The following FAM149A variants were observed in gnomAD, a reference collection of about 807,000 sequenced individuals.
The protein encoded by FAM149A is protein FAM149A.
A neutral mutation model predicts 78.2 loss-of-function variants in FAM149A; 71 were observed. The observed-to-expected ratio is 0.91, with a 90% CI of 0.75 to 1.11. FAM149A has a LOEUF of 1.11. Among genes scored for constraint, FAM149A ranks in the 50% least tolerant of loss-of-function variants. The pLI is 0.00. For missense variants in FAM149A, 1,036 were observed against 971.0 expected, an observed-to-expected ratio of 1.07 and a Z score of -0.89; for synonymous variants, 446 against 410.5, an observed-to-expected ratio of 1.09 and a Z score of -1.04.
chr4:186,131,641 A>G (rs576672548), intron 1 of FAM149A, among the ~76,000 whole-genome samples: 2 of 152,350 alleles, frequency 1.3e-5, no homozygotes, highest in South Asian at 4.1e-4. Context: ...ATCCTTACAG[A>G]AGTGGAAGAC....
intron 1 of FAM149A, among the ~76,000 whole-genome samples, chr4:186,122,529 G>T (rs2099316532): frequency 6.6e-6 from 1 of 152,174 alleles, no homozygotes. Context: ...CATGATATTT[G>T]CAACTTCCTT....
chr4:186,170,228 GT>G (rs565413731), intron 13 of FAM149A, among the ~76,000 whole-genome samples: 61 of 152,358 alleles, frequency 4.0e-4, no homozygotes, highest in African/African-American at 1.3e-3. Context: ...CCTGGTGGTC[GT>G]GAGAGACACG....
chr4:186,139,433 C>T (rs940810058), intron 1 of FAM149A, among the ~76,000 whole-genome samples: 1 of 151,766 alleles, frequency 6.6e-6, no homozygotes. Flanking sequence ...TTGCAAAGCC[C>T]TCGTGAGTGG....
intron 13 of FAM149A, among the ~76,000 whole-genome samples, chr4:186,167,887 C>T (rs1735196004): frequency 6.6e-6 from 1 of 152,138 alleles, no homozygotes; most frequent in African/African-American, 2.4e-5. Context: ...GTCCCAACCT[C>T]TCTGGCCCTC....
At chr4:186,152,925 G>C (rs967514053) in intron 4 of FAM149A, among the ~76,000 whole-genome samples, 2 of 152,118 alleles carry the variant, frequency 1.3e-5, no homozygotes, top group Non-Finnish European at 2.9e-5. Context: ...TGTGGATTCT[G>C]TCTGGGGAGA....
chr4:186,124,311 G>A (rs575002945), intron 1 of FAM149A: 20 of 578,710 alleles, frequency 3.5e-5, no homozygotes, highest in Admixed American at 3.2e-4. Flanking sequence ...TGTGTACAAC[G>A]TGCAGCTTTG....
At chr4:186,122,413 T>C (rs2099316462) in intron 1 of FAM149A, among the ~76,000 whole-genome samples, 1 of 152,184 alleles carries the variant, frequency 6.6e-6, no homozygotes, top group African/African-American at 2.4e-5. Flanking sequence ...GAGTACTAGT[T>C]TTAAGAAACT....
intron 1 of FAM149A, chr4:186,132,355 G>A (rs1031828889): frequency 2.3e-6 from 1 of 436,186 alleles, no homozygotes; most frequent in African/African-American, 2.1e-5. Context: ...TGGGCCATGG[G>A]AGCCCAGTAG....
intron 1 of FAM149A, among the ~76,000 whole-genome samples, chr4:186,108,565 A>C (rs1480284118): frequency 6.6e-6 from 1 of 152,140 alleles, no homozygotes; most frequent in Non-Finnish European, 1.5e-5. Flanking sequence ...CGTAAGTGAA[A>C]GGCCCATGGA....
Position 186,174,756 on chromosome 4 carries a change from TA to T in FAM149A, c.*2772del, listed in dbSNP as rs1365736478. Among the ~76,000 whole-genome samples the T allele has an allele frequency of 1.8e-5, 2 of 111,494 alleles. 1 individual carries two copies. Among genetic ancestry groups the T allele is most frequent in the Non-Finnish European group, 4.5e-5 (2 of 44,316 alleles). 73.1% of individuals were successfully genotyped at this position (111,494 alleles called of 152,430 possible). On this transcript the variant is annotated 3_prime_UTR_variant, in exon 14 of 14. Coordinates refer to ENST00000389354, the MANE Select transcript of FAM149A (RefSeq NM_001367768.3). Reference sequence around the variant, plus strand: ...CATTGCACTGATTTTTACTCCATGTTAAAGTTAGTATTTTATTTATACATTA... The same window carrying T: ...CATTGCACTGATTTTTACTCCATGTTAAGTTAGTATTTTATTTATACATTA...
In FAM149A at chr4:186,165,389, A is replaced by T; in HGVS notation, c.1935A>T (p.Ser645=). The T allele has an allele frequency of 6.2e-7, 1 of 1,614,180 alleles. No individual in the cohort carries two copies. The highest frequency in any genetic ancestry group is 8.5e-7 in the Non-Finnish European group (1 of 1,180,008). Residue 645 remains serine, a synonymous_variant, in exon 11 of 14, where the codon TCA becomes TCT. Transcript: ENST00000389354. ...TGGCTTCCCCACTGGTTCAAACGTC[A>T]CGGAGCAGGTTCCCCCCGCTAGTCA...
intron 1 of FAM149A, chr4:186,125,826 GAA>G (rs2099318083): frequency 1.0e-6 from 1 of 985,222 alleles, no homozygotes; most frequent in African/African-American, 1.7e-5. Flanking sequence ...AGGCCAAAAA[GAA>G]ATACGAGGTA....
In FAM149A at chr4:186,156,077, CG is replaced by C. The variant is rs1734015688; in HGVS notation, c.1308del (p.Arg437ValfsTer21). ...AAACTCGGACTTCCTCCTGTTTCCC[CG>C]CGTGACTGTGTCAAAGATGCCGTGG... On this transcript the variant is annotated frameshift_variant, in exon 7 of 14. Coordinates refer to ENST00000389354, the MANE Select transcript of FAM149A (RefSeq NM_001367768.3). LOFTEE classifies it high-confidence loss of function. 6.2e-7 allele frequency: 1 copy of C among 1,613,766 alleles called. No homozygotes were observed. Among genetic ancestry groups the C allele is most frequent in the Admixed American group, 1.7e-5 (1 of 59,986 alleles).
In FAM149A at chr4:186,105,571, A is replaced by G; in HGVS notation, c.495A>G (p.Arg165=). ...GCGTGGCCCCCGGGGCTGGCCCCAG[A>G]ACCCTGTTCCTTACGCTGCCTGACA... The change falls in exon 1 of 14, where the codon AGA becomes AGG. Residue 165 remains arginine, a synonymous_variant. Transcript: ENST00000389354. The G allele has an allele frequency of 6.4e-6, 7 of 1,097,612 alleles. No individual in the cohort carries two copies. The highest frequency in any genetic ancestry group is 7.8e-6 in the Non-Finnish European group (7 of 895,412). 68.0% of individuals were successfully genotyped at this position (1,097,612 alleles called of 1,614,324 possible). A position where few individuals can be genotyped will look rare whatever the true frequency, so the allele number is the denominator to read the frequency against.
intron 1 of FAM149A, chr4:186,132,393 A>T (rs1023166101): frequency 8.4e-6 from 2 of 238,568 alleles, no homozygotes; most frequent in African/African-American, 2.3e-5. Context: ...CTATTTGTCT[A>T]TGGGATTGTT....
At chr4:186,110,820 G>A (rs1197256432) in intron 1 of FAM149A, among the ~76,000 whole-genome samples, 23 of 150,158 alleles carry the variant, frequency 1.5e-4, no homozygotes, top group Non-Finnish European at 2.7e-4. Context: ...TTGGTTCCAA[G>A]TCTTTGCTAT....
chr4:186,117,191 C>G (rs1040009243), intron 1 of FAM149A, among the ~76,000 whole-genome samples: 4 of 152,108 alleles, frequency 2.6e-5, no homozygotes, highest in Non-Finnish European at 4.4e-5. Flanking sequence ...ATTCACTATT[C>G]TAAAGATATT....
intron 1 of FAM149A, 48 bp from the exon 2 acceptor site, chr4:186,149,125 C>A: frequency 1.6e-6 from 2 of 1,232,684 alleles, no homozygotes; most frequent in South Asian, 1.4e-5. Context: ...ATGAATAAAA[C>A]TATATTATTA....
intron 1 of FAM149A, among the ~76,000 whole-genome samples, chr4:186,129,257 C>T (rs1221978905): frequency 1.3e-5 from 2 of 151,930 alleles, no homozygotes; most frequent in East Asian, 1.9e-4. Context: ...ACCTTCCTGT[C>T]CCTGTTGAGA....
Sources: gnomAD v4.1 joint callset for allele counts (sites outside exome capture counted in the v4.1 genomes callset) on GRCh38, gnomAD v4.1.1 for gene constraint, MANE v1.5 for transcripts, NCBI Gene and HGNC (gene_info 2026-07-23, HGNC 2026-07-21) for gene names.